PCDH10: variants seen among roughly 807,000 people sequenced by gnomAD.
The protein encoded by PCDH10 is protocadherin-10.
In PCDH10, 15 loss-of-function variants were observed where a neutral mutation model predicts 74.4. The ratio of observed to expected loss-of-function variants is 0.20; its 90% CI spans 0.13 to 0.31. The LOEUF (loss-of-function observed/expected upper bound fraction) is 0.31, where lower values mean the gene tolerates loss of function less well. Ranked by LOEUF, PCDH10 falls within the 10% of genes least tolerant of loss-of-function variation. PCDH10 has a pLI of 1.00. For synonymous variants in PCDH10, 619 were observed against 589.8 expected (o/e 1.05, Z -0.72); for missense variants, 1,260 against 1,390.2 (o/e 0.91, Z 1.49).
intron 4 of PCDH10, among the ~76,000 whole-genome samples, chr4:133,171,233 G>GA (rs1727198778): frequency 6.6e-6 from 1 of 151,964 alleles, no homozygotes; most frequent in Non-Finnish European, 1.5e-5. Flanking sequence ...ACACAAACTA[G>GA]AAAATTAGCT....
chr4:133,167,585 G>A (rs1727112461), intron 4 of PCDH10, among the ~76,000 whole-genome samples: 1 of 151,352 alleles, frequency 6.6e-6, no homozygotes, highest in Non-Finnish European at 1.5e-5. Flanking sequence ...ACCGCTAAAT[G>A]AATGGACCTC....
Position 133,150,371 on chromosome 4 carries a change from G to C in PCDH10, c.231G>C (p.Glu77Asp), listed in dbSNP as rs1726633651. The C allele has an allele frequency of 6.2e-7, 1 of 1,614,044 alleles. No individual in the cohort carries two copies. Among genetic ancestry groups the C allele is most frequent in the Non-Finnish European group, 8.5e-7 (1 of 1,180,000 alleles). The change falls in exon 1 of 5, where the codon GAG (glutamate) becomes GAC (aspartate). Residue 77 changes from glutamate (E) to aspartate (D), a missense_variant. Coordinates refer to ENST00000264360, the MANE Select transcript of PCDH10 (RefSeq NM_032961.3). ...NLETGVLYVN[E>D]KIDREQICKQ... Reference sequence around the variant, plus strand: ...AGACAGGGGTGCTGTACGTGAACGAGAAAATAGACCGCGAACAAATCTGCA... The same window carrying C: ...AGACAGGGGTGCTGTACGTGAACGACAAAATAGACCGCGAACAAATCTGCA...
Position 133,152,074 on chromosome 4 carries a change from C to T in PCDH10, c.1934C>T (p.Pro645Leu), listed in dbSNP as rs1316120049. 2 of 1,600,670 alleles carry T rather than the reference C, an allele frequency of 1.2e-6. No individual in the cohort carries two copies. Among genetic ancestry groups the T allele is most frequent in the Admixed American group, 3.4e-5 (2 of 58,274 alleles). Residue 645 changes from proline (P) to leucine (L), a missense_variant, in exon 1 of 5, where the codon CCG (proline) becomes CTG (leucine). By Grantham distance (98) the Pro-to-Leu change is moderately conservative. Coordinates refer to ENST00000264360, the MANE Select transcript of PCDH10 (RefSeq NM_032961.3). ...TGELRTARRVPAKRDPQRPYE... is the reference protein window; with the variant it reads ...TGELRTARRVLAKRDPQRPYE... The stretch of plus-strand genomic sequence containing the variant: ...GAGCTGCGCACAGCACGCCGAGTCC[C>T]GGCCAAGCGCGACCCCCAGCGGCCT...
In PCDH10 at chr4:133,191,936, C is replaced by T. The variant is rs986865665; in HGVS notation, c.*1776C>T. ...ATGTAACTTAAGTGGAAATTTTTCCCTAGATTTAACTTTAAAATACATATA... is the reference window on the plus strand; with the variant it reads ...ATGTAACTTAAGTGGAAATTTTTCCTTAGATTTAACTTTAAAATACATATA... On this transcript the variant is annotated 3_prime_UTR_variant, in exon 5 of 5. Transcript: ENST00000264360. 2 of 143,892 alleles carry T rather than the reference C, an allele frequency of 1.4e-5. No individual in the cohort carries two copies. Among genetic ancestry groups the T allele is most frequent in the African/African-American group, 5.1e-5 (2 of 38,878 alleles). 8.9% of individuals were successfully genotyped at this position (143,892 alleles called of 1,614,324 possible). A position where few individuals can be genotyped will look rare whatever the true frequency, so the allele number is the denominator to read the frequency against.
At chr4:133,184,197 GT>G (rs1727479466) in intron 4 of PCDH10, among the ~76,000 whole-genome samples, 1 of 151,880 alleles carries the variant, frequency 6.6e-6, no homozygotes, top group Non-Finnish European at 1.5e-5. Context: ...CCAAACTCCT[GT>G]TTTCCACCTA....
At chr4:133,157,463 C>T (rs945502555) in intron 3 of PCDH10, among the ~76,000 whole-genome samples, 8 of 152,050 alleles carry the variant, frequency 5.3e-5, no homozygotes, top group Admixed American at 2.0e-4. Flanking sequence ...TAATGATTTT[C>T]CAATTTTGCA....
chr4:133,167,427 A>G (rs761571104), intron 4 of PCDH10, among the ~76,000 whole-genome samples: 1 of 151,510 alleles, frequency 6.6e-6, no homozygotes, highest in East Asian at 1.9e-4. Flanking sequence ...ATAGATACAC[A>G]TTACCTTCAT....
chr4:133,186,095 A>G (rs1727537278), intron 4 of PCDH10, among the ~76,000 whole-genome samples: 1 of 152,088 alleles, frequency 6.6e-6, no homozygotes, highest in Non-Finnish European at 1.5e-5. Context: ...TCAGTTGCAA[A>G]TTATAAAAGG....
In PCDH10 at chr4:133,190,311, G is replaced by C; in HGVS notation, c.*151G>C. On this transcript the variant is annotated 3_prime_UTR_variant, in exon 5 of 5. Transcript: ENST00000264360. Reference sequence around the variant, plus strand: ...GATGGAGTCATCATGGCCAATTATAGGACCTAATTGCTCTCAGCAGGCCTG... The same window carrying C: ...GATGGAGTCATCATGGCCAATTATACGACCTAATTGCTCTCAGCAGGCCTG... The C allele has an allele frequency of 1.4e-6, 1 of 698,932 alleles. No homozygotes were observed. Among genetic ancestry groups the C allele is most frequent in the South Asian group, 1.6e-5 (1 of 61,342 alleles). 43.3% of individuals were successfully genotyped at this position (698,932 alleles called of 1,614,324 possible). A position where few individuals can be genotyped will look rare whatever the true frequency, so the allele number is the denominator to read the frequency against.
chr4:133,190,501 A>G lies in PCDH10; in HGVS notation c.*341A>G, dbSNP rs1727639804. ...ACCACGAGAAGCCAGTCATAAAGAT[A>G]AAGGAAATTTGTGCATTATAAATGC... is the stretch of plus-strand genomic sequence containing the variant. On this transcript the variant is annotated 3_prime_UTR_variant, in exon 5 of 5. Coordinates refer to ENST00000264360, the MANE Select transcript of PCDH10 (RefSeq NM_032961.3). The G allele has an allele frequency of 1.2e-5, 3 of 258,290 alleles. No individual in the cohort carries two copies. In the Admixed American group the frequency reaches 1.6e-4, roughly 14 times the overall value. 16.0% of individuals were successfully genotyped at this position (258,290 alleles called of 1,614,324 possible).
At chr4:133,158,130 T>C in intron 3 of PCDH10, among the ~76,000 whole-genome samples, 1 of 152,206 alleles carries the variant, frequency 6.6e-6, no homozygotes, top group Non-Finnish European at 1.5e-5. Flanking sequence ...AACTGATTAA[T>C]CACAGCTTAA....
intron 3 of PCDH10, among the ~76,000 whole-genome samples, chr4:133,157,883 G>A (rs554169382): frequency 1.3e-5 from 2 of 151,938 alleles, no homozygotes; most frequent in African/African-American, 4.8e-5. Flanking sequence ...GTTCATAGAA[G>A]GGCTTTAAAC....
chr4:133,152,762 G>A lies in PCDH10; in HGVS notation c.2622G>A (p.Leu874=). 1 of 1,614,202 alleles carries A rather than the reference G, an allele frequency of 6.2e-7. No individual in the cohort carries two copies. The change falls in exon 1 of 5, where the codon TTG becomes TTA. Residue 874 remains leucine (L), a synonymous_variant. Coordinates refer to ENST00000264360, the MANE Select transcript of PCDH10 (RefSeq NM_032961.3). ...QPDIISNGSI[L]SNETKHQRAE... is the part of the protein sequence containing the mutation. ...ATATCATCTCCAACGGAAGCATTTT[G>A]TCCAACGAGGTAAGGCTGAAGCGAA...
rs1726682535 is a variant in PCDH10 at position 133,151,299 on chromosome 4, T to C, written c.1159T>C (p.Ser387Pro). Residue 387 changes from serine to proline, a missense_variant, in exon 1 of 5, where the codon TCA becomes CCA. Ser to Pro is a moderately conservative substitution (Grantham distance 74). This residue lies in a region of PCDH10 where 112 missense variants were observed against 123.6 expected (regional missense o/e 0.91). Transcript: ENST00000264360. ...VALFSVTDRD[S>P]EENGQVQCEL... ...CCTTTTCAGCGTGACTGACCGCGAC[T>C]CAGAGGAGAATGGGCAGGTGCAGTG... 1.9e-6 allele frequency: 3 copies of C among 1,614,108 alleles called. No individual in the cohort carries two copies. Among genetic ancestry groups the C allele is most frequent in the Non-Finnish European group, 2.5e-6 (3 of 1,180,014 alleles).
At chr4:133,166,807 T>C (rs186616662) in intron 4 of PCDH10, among the ~76,000 whole-genome samples, 1 of 151,574 alleles carries the variant, frequency 6.6e-6, no homozygotes, top group East Asian at 1.9e-4. Context: ...CATAATCAAT[T>C]CCTAAAAATT....
intron 2 of PCDH10, among the ~76,000 whole-genome samples, chr4:133,205,837 A>T (rs1302990864): frequency 6.6e-6 from 1 of 152,102 alleles, no homozygotes; most frequent in Non-Finnish European, 1.5e-5. Flanking sequence ...CCTCTTTTAA[A>T]GTATTTTTAA....
intron 4 of PCDH10, among the ~76,000 whole-genome samples, chr4:133,183,401 C>T (rs1486729960): frequency 6.6e-6 from 1 of 151,994 alleles, no homozygotes; most frequent in Non-Finnish European, 1.5e-5. Context: ...GCCTACTGAT[C>T]TTCCATCTAG....
At chr4:133,208,136 C>T (rs887431050) in exon 3 of PCDH10, 5 of 152,172 alleles carry the variant, frequency 3.3e-5, no homozygotes, top group African/African-American at 1.2e-4. Flanking sequence ...GGGCTGTCAA[C>T]AACCACATGA....
chr4:133,164,766 A>G (rs1018201251), intron 4 of PCDH10, among the ~76,000 whole-genome samples: 3 of 151,264 alleles, frequency 2.0e-5, no homozygotes, highest in Non-Finnish European at 4.4e-5. Context: ...TTATTAAAAT[A>G]TTAATGCTGC....
Sources: allele counts gnomAD v4.1 joint callset (sites outside exome capture counted in the v4.1 genomes callset), GRCh38; gene constraint gnomAD v4.1.1; regional missense constraint gnomAD v4.1.1; transcripts MANE v1.5; gene names NCBI Gene and HGNC (gene_info 2026-07-23, HGNC 2026-07-21).